The following RANBP17 variants were observed in gnomAD, a reference collection of about 807,000 sequenced individuals.
RANBP17 encodes the protein RAN binding protein 17.
RANBP17 carries 158 observed loss-of-function variants against 141.2 expected under a neutral mutation model. The ratio of observed to expected loss-of-function variants is 1.12; its 90% CI spans 0.98 to 1.28. The LOEUF (loss-of-function observed/expected upper bound fraction) is 1.28, where lower values mean the gene tolerates loss of function less well. RANBP17 is among the 50% of genes most tolerant of loss of function. The probability of loss-of-function intolerance (pLI) is 0.00; values close to 1 mark genes in which losing one functional copy is unlikely to be tolerated. For synonymous variants in RANBP17, 430 were observed against 450.0 expected, an observed-to-expected ratio of 0.96 and a Z score of 0.56; for missense variants, 1,438 against 1,290.7, an observed-to-expected ratio of 1.11 and a Z score of -1.75.
At chr5:170,902,556 C>T (rs544250998) in intron 5 of RANBP17, among the ~76,000 whole-genome samples, 2 of 152,132 alleles carry the variant, frequency 1.3e-5, no homozygotes, top group African/African-American at 4.8e-5. Context: ...CAGTTTTGTT[C>T]CCTTGTTGGC....
At chr5:171,251,777 G>A (rs1393287298) in intron 24 of RANBP17, 9 of 982,092 alleles carry the variant, frequency 9.2e-6, no homozygotes, top group Non-Finnish European at 1.4e-5. Flanking sequence ...GCCCGCCCCC[G>A]CCTCTGTGAT....
In RANBP17 at chr5:170,955,532, ATATATATATATGCTCAGTCTGTG is replaced by A. The variant is rs1343941120; in HGVS notation, c.1574+1842_1574+1864del. Among the ~76,000 whole-genome samples the A allele has an allele frequency of 4.1e-3, 457 of 110,762 alleles. 21 individuals carry two copies. The highest frequency in any genetic ancestry group is 0.014 in the African/African-American group (440 of 31,878). The allele number at this position is 110,762 out of a possible 152,430, so 72.7% of individuals were successfully genotyped here. On this transcript the variant is annotated intron_variant, in intron 13 of 27. Coordinates refer to ENST00000523189, the MANE Select transcript of RANBP17 (RefSeq NM_022897.5). ...ATGTATATATATGCTCAGTCTGTGT[ATATATATATATGCTCAGTCTGTG>A]TATATATATATATGCTCAGTCTGTG...
intron 1 of RANBP17, among the ~76,000 whole-genome samples, chr5:170,870,366 C>T (rs1267704768): frequency 1.3e-5 from 2 of 151,800 alleles, no homozygotes; most frequent in African/African-American, 4.8e-5. Context: ...GCTCTCTCTC[C>T]CTCCCCTCAC....
At chr5:171,060,640 T>G (rs1189323055) in intron 14 of RANBP17, among the ~76,000 whole-genome samples, 1 of 152,124 alleles carries the variant, frequency 6.6e-6, no homozygotes, top group Non-Finnish European at 1.5e-5. Context: ...TGGTTGTGTC[T>G]CTGCCAGGCT....
chr5:170,942,877 G>C (rs907124654), intron 12 of RANBP17, among the ~76,000 whole-genome samples: 1 of 152,186 alleles, frequency 6.6e-6, no homozygotes, highest in Non-Finnish European at 1.5e-5. Context: ...GAATCAGTTA[G>C]TTGAAATGTA....
intron 14 of RANBP17, among the ~76,000 whole-genome samples, chr5:171,139,747 G>C (rs10065569): frequency 0.85 from 129,060 of 152,168 alleles, 54,829 homozygotes; most frequent in East Asian, 1. Flanking sequence ...TCTCACCTTC[G>C]CCCACTTTCA....
intron 14 of RANBP17, among the ~76,000 whole-genome samples, chr5:171,061,808 G>C (rs1184649768): frequency 6.6e-6 from 1 of 152,280 alleles, no homozygotes; most frequent in East Asian, 1.9e-4. Context: ...AAGTCTCTTT[G>C]TAGGTCACTC....
At chr5:171,292,675 T>C (rs573415023) in intron 25 of RANBP17, among the ~76,000 whole-genome samples, 1 of 152,212 alleles carries the variant, frequency 6.6e-6, no homozygotes, top group South Asian at 2.1e-4. Flanking sequence ...AGCTTAGAGG[T>C]AGGAGGTAAA....
intron 13 of RANBP17, among the ~76,000 whole-genome samples, chr5:170,955,442 A>C (rs1209931582): frequency 7.3e-6 from 1 of 136,576 alleles, no homozygotes; most frequent in African/African-American, 2.6e-5. Context: ...AACTTATTTG[A>C]AAGAGCTCAG....
At chr5:171,065,111 G>T (rs551175125) in intron 14 of RANBP17, among the ~76,000 whole-genome samples, 2 of 152,210 alleles carry the variant, frequency 1.3e-5, no homozygotes, top group East Asian at 1.9e-4. Flanking sequence ...TTCTTTTGGT[G>T]CATATATAGA....
intron 14 of RANBP17, among the ~76,000 whole-genome samples, chr5:171,048,082 G>GT (rs1782709658): frequency 6.6e-6 from 1 of 151,858 alleles, no homozygotes; most frequent in Non-Finnish European, 1.5e-5. Context: ...AGATTTTTTT[G>GT]TTTTTTAATT....
At chr5:171,213,766 AAC>A in intron 21 of RANBP17, 28 bp downstream of exon 21, 1 of 1,470,002 alleles carries the variant, frequency 6.8e-7, no homozygotes, top group Non-Finnish European at 9.5e-7. Flanking sequence ...CAGTGAGAAA[AAC>A]AGTCTACTAT....
intron 27 of RANBP17, among the ~76,000 whole-genome samples, chr5:171,298,046 C>T (rs546558167): frequency 1.3e-5 from 2 of 151,694 alleles, no homozygotes; most frequent in African/African-American, 4.8e-5. Flanking sequence ...TTAGTAGAGA[C>T]GGGGTTTCAC....
At chr5:170,986,927 C>CT (rs1283340673) in intron 14 of RANBP17, among the ~76,000 whole-genome samples, 1 of 151,752 alleles carries the variant, frequency 6.6e-6, no homozygotes, top group Non-Finnish European at 1.5e-5. Flanking sequence ...ACTACTACAA[C>CT]TTTAAGTGCA....
At chr5:171,215,055 G>A (rs1414249066) in intron 21 of RANBP17, among the ~76,000 whole-genome samples, 2 of 138,728 alleles carry the variant, frequency 1.4e-5, no homozygotes, top group Admixed American at 1.5e-4. Flanking sequence ...CCATCCCCTT[G>A]CCCCCCATCC....
chr5:171,017,459 T>C (rs1181413650), intron 14 of RANBP17, among the ~76,000 whole-genome samples: 2 of 152,112 alleles, frequency 1.3e-5, no homozygotes, highest in African/African-American at 4.8e-5. Flanking sequence ...GCTGGTGTGT[T>C]ATGGTATCTC....
chr5:171,188,246 C>T (rs1404026069), intron 18 of RANBP17, among the ~76,000 whole-genome samples: 3 of 152,178 alleles, frequency 2.0e-5, no homozygotes, highest in African/African-American at 7.2e-5. Flanking sequence ...GAGCGTAAAC[C>T]AGGCATGCAA....
At position 171,059,087 on chromosome 5, in the gene RANBP17, C is replaced by T. The variant is rs868406430; in HGVS notation, c.1710+90710C>T. ...AGCCCTTTGTCAGATGAGTAGGTTGCGAAAATTTTCTCCCATTTTGTAGGT... is the reference window on the plus strand; with the variant it reads ...AGCCCTTTGTCAGATGAGTAGGTTGTGAAAATTTTCTCCCATTTTGTAGGT... On this transcript the variant is annotated intron_variant, in intron 14 of 27. Coordinates refer to ENST00000523189, the MANE Select transcript of RANBP17 (RefSeq NM_022897.5). Among the ~76,000 whole-genome samples the T allele has an allele frequency of 7.3e-5, 11 of 150,768 alleles. No individual in the cohort carries two copies. In the South Asian group the frequency reaches 1.5e-3, roughly 20 times the overall value.
chr5:170,975,192 T>C (rs1458741202), intron 14 of RANBP17, among the ~76,000 whole-genome samples: 1 of 152,216 alleles, frequency 6.6e-6, no homozygotes, highest in African/African-American at 2.4e-5. Context: ...CATTTTATTA[T>C]TATAAACATT....
Sources: gnomAD v4.1 joint callset for allele counts (sites outside exome capture counted in the v4.1 genomes callset) on GRCh38, gnomAD v4.1.1 for gene constraint, MANE v1.5 for transcripts, NCBI Gene and HGNC (gene_info 2026-07-23, HGNC 2026-07-21) for gene names.